The following ASIC5 variants were observed in gnomAD, a reference collection of about 807,000 sequenced individuals.
ASIC5 encodes the protein acid sensing ion channel subunit family member 5.
Under a neutral mutation model 51.2 loss-of-function variants are expected in ASIC5, and 52 were observed. The ratio of observed to expected loss-of-function variants is 1.02; its 90% CI spans 0.81 to 1.28. The LOEUF (loss-of-function observed/expected upper bound fraction) is 1.28. Among genes scored for constraint, ASIC5 ranks in the 50% most tolerant of loss-of-function variants. The probability of loss-of-function intolerance (pLI) is 0.00; values close to 1 mark genes in which losing one functional copy is unlikely to be tolerated. For missense variants in ASIC5, 635 were observed against 595.0 expected (o/e 1.07, Z -0.70); for synonymous variants, 231 against 200.7 (o/e 1.15, Z -1.28).
chr4:155,830,523 T>C (rs1740850074), intron 9 of ASIC5, among the ~76,000 whole-genome samples: 1 of 152,222 alleles, frequency 6.6e-6, no homozygotes, highest in Admixed American at 6.5e-5. Context: ...TAACATAACA[T>C]TGCCTTTTTG....
chr4:155,843,189 A>T (rs1741160049), intron 5 of ASIC5, among the ~76,000 whole-genome samples: 1 of 152,098 alleles, frequency 6.6e-6, no homozygotes, highest in South Asian at 2.1e-4. Flanking sequence ...TGCTTTCTTT[A>T]TGGTACTTCA....
intron 3 of ASIC5, 73 bp from the exon 4 acceptor site, chr4:155,852,389 T>A (rs943667570): frequency 8.0e-7 from 1 of 1,251,362 alleles, no homozygotes; most frequent in Non-Finnish European, 1.1e-6. Flanking sequence ...TGCCATAACC[T>A]TTTTTTTTAA....
chr4:155,838,700 A>C (rs1446907553), intron 7 of ASIC5, 113 bp downstream of exon 7: 2 of 624,064 alleles, frequency 3.2e-6, no homozygotes, highest in African/African-American at 1.9e-5. Context: ...ATCTTCTCTT[A>C]TATACTATAT....
chr4:155,857,343 C>T (rs1038898130), intron 2 of ASIC5, among the ~76,000 whole-genome samples: 1 of 151,998 alleles, frequency 6.6e-6, no homozygotes, highest in Admixed American at 6.6e-5. Flanking sequence ...GGCCTGGTCT[C>T]AAACTCCTGA....
At chr4:155,838,743 C>T in intron 7 of ASIC5, 70 bp downstream of exon 7, 1 of 910,964 alleles carries the variant, frequency 1.1e-6, no homozygotes, top group South Asian at 1.5e-5. Flanking sequence ...CATAGTTTGA[C>T]TTAATGTCTT....
intron 1 of ASIC5, among the ~76,000 whole-genome samples, chr4:155,865,538 G>A (rs1022945746): frequency 6.6e-6 from 1 of 152,084 alleles, no homozygotes; most frequent in African/African-American, 2.4e-5. Context: ...CAAGCAAAGT[G>A]TGGCTAGTTG....
chr4:155,848,869 CTTTGT>C (rs1741316042), intron 4 of ASIC5, among the ~76,000 whole-genome samples: 1 of 151,996 alleles, frequency 6.6e-6, no homozygotes, highest in Non-Finnish European at 1.5e-5. Context: ...TTTGCTGATC[CTTTGT>C]TTTGTTTTTC....
chr4:155,853,058 A>G (rs2111255703), intron 3 of ASIC5, among the ~76,000 whole-genome samples: 1 of 152,166 alleles, frequency 6.6e-6, no homozygotes, highest in East Asian at 1.9e-4. Context: ...CTACTGTTGG[A>G]GTTCCTGCTT....
chr4:155,830,194 T>C, intron 9 of ASIC5, 148 bp from the exon 10 acceptor site: 1 of 550,046 alleles, frequency 1.8e-6, no homozygotes, highest in Non-Finnish European at 3.2e-6. Context: ...ATGAATAAGG[T>C]AATAGCAATT....
intron 4 of ASIC5, among the ~76,000 whole-genome samples, chr4:155,849,290 T>C (rs1741324829): frequency 6.6e-6 from 1 of 151,984 alleles, no homozygotes; most frequent in African/African-American, 2.4e-5. Context: ...GAACCTCGAG[T>C]GGCGAGGAGA....
chr4:155,830,892 G>A (rs1008840018), intron 9 of ASIC5, among the ~76,000 whole-genome samples: 9 of 152,084 alleles, frequency 5.9e-5, no homozygotes, highest in East Asian at 5.8e-4. Context: ...GGACCATTCC[G>A]TTTTTGTAAA....
rs539406743 is a variant in ASIC5, at chr4:155,858,520, C to T, written c.348-4206G>A. 4.6e-4 allele frequency among the ~76,000 whole-genome samples: 70 copies of T among 152,154 alleles called. 1 individual carries two copies. In the South Asian group the frequency reaches 0.014, roughly 31 times the overall value. On this transcript the variant is annotated intron_variant, in intron 2 of 9. Transcript: ENST00000537611. Reference sequence around the variant, plus strand: ...TTCTGTGTAAAACTAAAGAAAATGTCTGAGGGGAGCCCCAATCATTTTAGA... The same window carrying T: ...TTCTGTGTAAAACTAAAGAAAATGTTTGAGGGGAGCCCCAATCATTTTAGA...
Position 155,842,361 on chromosome 4 carries a change from A to T in ASIC5, c.862-7T>A, listed in dbSNP as rs1160655462. 6.2e-7 allele frequency: 1 copy of T among 1,605,842 alleles called. No individual in the cohort carries two copies. Among genetic ancestry groups the T allele is most frequent in the African/African-American group, 1.3e-5 (1 of 74,734 alleles). Reference sequence around the variant, plus strand: ...GGTATTCTTGATGAACTGTCTTAAGATAAGATAAATACTGGGTTCAGGAGA... The same window carrying T: ...GGTATTCTTGATGAACTGTCTTAAGTTAAGATAAATACTGGGTTCAGGAGA... On this transcript the variant is annotated splice_polypyrimidine_tract_variant and splice_region_variant and intron_variant, in intron 5 of 9. Transcript: ENST00000537611.
chr4:155,850,790 G>C (rs1170090084), intron 4 of ASIC5, among the ~76,000 whole-genome samples: 1 of 151,930 alleles, frequency 6.6e-6, no homozygotes, highest in African/African-American at 2.4e-5. Flanking sequence ...TTTCCCATAA[G>C]AGTGAAGATT....
chr4:155,830,279 A>G (rs1318487154), intron 9 of ASIC5, among the ~76,000 whole-genome samples: 1 of 152,186 alleles, frequency 6.6e-6, no homozygotes, highest in Non-Finnish European at 1.5e-5. Flanking sequence ...ATCTGATTCC[A>G]AACATATAAC....
chr4:155,832,272 T>C (rs991481805), intron 8 of ASIC5, among the ~76,000 whole-genome samples: 5 of 152,212 alleles, frequency 3.3e-5, no homozygotes, highest in African/African-American at 1.2e-4. Context: ...AGAAATCACA[T>C]TGGTTTTTTT....
intron 2 of ASIC5, among the ~76,000 whole-genome samples, chr4:155,856,512 G>C (rs1461814120): frequency 6.6e-6 from 1 of 152,038 alleles, no homozygotes; most frequent in Admixed American, 6.6e-5. Context: ...AGCTAGCCCA[G>C]GTCCTAAAAC....
intron 3 of ASIC5, among the ~76,000 whole-genome samples, chr4:155,853,455 G>A (rs1472272357): frequency 6.6e-6 from 1 of 151,534 alleles, no homozygotes; most frequent in African/African-American, 2.4e-5. Flanking sequence ...GATAGATCTA[G>A]TACTTTATCT....
chr4:155,852,053 A>T, intron 4 of ASIC5, 138 bp downstream of exon 4: 1 of 964,910 alleles, frequency 1.0e-6, no homozygotes, highest in Non-Finnish European at 1.5e-6. Context: ...TAAAATCCAT[A>T]GGAGTCTAGA....
Sources: gnomAD v4.1 joint callset for allele counts (sites outside exome capture counted in the v4.1 genomes callset) on GRCh38, gnomAD v4.1.1 for gene constraint, MANE v1.5 for transcripts, NCBI Gene and HGNC (gene_info 2026-07-23, HGNC 2026-07-21) for gene names.